The following PARD3B variants were observed in gnomAD, a reference collection of about 807,000 sequenced individuals.
PARD3B encodes partitioning defective 3 homolog B.
Under a neutral mutation model 130.2 loss-of-function variants are expected in PARD3B, and 103 were observed. That is an observed-to-expected ratio of 0.79 (90% CI 0.67 to 0.93). PARD3B has a LOEUF of 0.93. PARD3B is among the 40% of genes least tolerant of loss of function. The probability of loss-of-function intolerance (pLI) is 0.00; values close to 1 mark genes in which losing one functional copy is unlikely to be tolerated. For synonymous variants in PARD3B, 583 were observed against 553.2 expected (o/e 1.05, Z -0.76); for missense variants, 1,609 against 1,499.2 (o/e 1.07, Z -1.21).
At position 205,054,869 on chromosome 2, in the gene PARD3B, C is replaced by T. The variant is rs116801001; in HGVS notation, c.504+7179C>T. Among the ~76,000 whole-genome samples, 344 of 152,182 alleles carry T rather than the reference C, an allele frequency of 2.3e-3. 1 individual carries two copies. The highest frequency in any genetic ancestry group is 7.4e-3 in the African/African-American group (309 of 41,532). On this transcript the variant is annotated intron_variant, in intron 4 of 22. Transcript: ENST00000406610. ...GCATGTATCAGATTATCAAATAATA[C>T]GGTTTTAACCATCAAAATGAGTGGT...
intron 6 of PARD3B, among the ~76,000 whole-genome samples, chr2:205,114,184 T>C (rs1703858083): frequency 6.6e-6 from 1 of 152,114 alleles, no homozygotes; most frequent in Admixed American, 6.6e-5. Context: ...AAAAATGGCA[T>C]TGTAGATCGT....
chr2:205,206,350 A>T (rs1220541812), intron 15 of PARD3B, among the ~76,000 whole-genome samples: 1 of 149,384 alleles, frequency 6.7e-6, no homozygotes, highest in Non-Finnish European at 1.5e-5. Context: ...ATATCTCCCG[A>T]TGCTATCCCT....
chr2:205,231,581 C>T (rs985191605), intron 15 of PARD3B, among the ~76,000 whole-genome samples: 44 of 151,778 alleles, frequency 2.9e-4, no homozygotes, highest in African/African-American at 1.1e-3. Context: ...AAGTGATCCA[C>T]CTACCTTGGC....
chr2:205,467,061 A>G (rs2048652438), intron 20 of PARD3B, among the ~76,000 whole-genome samples: 1 of 152,248 alleles, frequency 6.6e-6, no homozygotes. Context: ...TGTCTCTGAT[A>G]AAGTATATCA....
chr2:205,368,864 A>C (rs72946010), intron 18 of PARD3B, among the ~76,000 whole-genome samples: 48 of 103,016 alleles, frequency 4.7e-4, no homozygotes, highest in Non-Finnish European at 7.1e-4. Flanking sequence ...GGAAAACAAA[A>C]AAAAAAAAAA....
chr2:205,539,927 G>A (rs540376292), intron 21 of PARD3B, among the ~76,000 whole-genome samples: 5 of 152,254 alleles, frequency 3.3e-5, no homozygotes, highest in East Asian at 3.9e-4. Context: ...TCACTAGTTC[G>A]AAAGTAACTC....
intron 2 of PARD3B, among the ~76,000 whole-genome samples, chr2:204,695,182 T>G (rs2037551992): frequency 6.6e-6 from 1 of 151,998 alleles, no homozygotes; most frequent in Admixed American, 6.6e-5. Context: ...GTTCTACCAA[T>G]TTTCTCTCTC....
chr2:205,271,939 C>G (rs2040744116), intron 16 of PARD3B, among the ~76,000 whole-genome samples: 1 of 152,086 alleles, frequency 6.6e-6, no homozygotes, highest in African/African-American at 2.4e-5. Context: ...GGGTGGATCA[C>G]TTGAGGTCAG....
At chr2:205,249,618 A>G (rs1017454905) in intron 16 of PARD3B, among the ~76,000 whole-genome samples, 4 of 152,182 alleles carry the variant, frequency 2.6e-5, no homozygotes, top group African/African-American at 9.6e-5. Context: ...GAATTAGTCC[A>G]GTATTCTTGA....
At chr2:205,501,314 T>C (rs1379976453) in intron 21 of PARD3B, among the ~76,000 whole-genome samples, 2 of 152,182 alleles carry the variant, frequency 1.3e-5, no homozygotes, top group Non-Finnish European at 1.5e-5. Context: ...CCTGAGACTA[T>C]GGATCGGAAC....
chr2:205,018,465 G>T (rs1252167502), intron 3 of PARD3B, among the ~76,000 whole-genome samples: 1 of 152,024 alleles, frequency 6.6e-6, no homozygotes, highest in African/African-American at 2.4e-5. Flanking sequence ...TCAGTTTTCT[G>T]ATCTGCAAAT....
intron 14 of PARD3B, among the ~76,000 whole-genome samples, chr2:205,192,786 A>G (rs1406206082): frequency 6.6e-6 from 1 of 152,202 alleles, no homozygotes; most frequent in Non-Finnish European, 1.5e-5. Context: ...TAAAGGATAC[A>G]ACCCTTTCAC....
At chr2:205,137,460 C>T (rs367668413) in intron 10 of PARD3B, among the ~76,000 whole-genome samples, 1 of 152,166 alleles carries the variant, frequency 6.6e-6, no homozygotes, top group East Asian at 1.9e-4. Context: ...GGTAACAAGA[C>T]CACATTTTTT....
At chr2:205,323,284 A>G (rs2042820671) in intron 18 of PARD3B, among the ~76,000 whole-genome samples, 2 of 152,080 alleles carry the variant, frequency 1.3e-5, no homozygotes. Flanking sequence ...TGGATATGTC[A>G]TCACTTTTAC....
intron 10 of PARD3B, among the ~76,000 whole-genome samples, chr2:205,138,408 C>G (rs1021046494): frequency 6.6e-6 from 1 of 152,136 alleles, no homozygotes; most frequent in African/African-American, 2.4e-5. Context: ...CTTTCCCCTC[C>G]CGTTCTTCTC....
Position 205,287,555 on chromosome 2 carries a change from C to G in PARD3B, c.2186-12975C>G, listed in dbSNP as rs779688785. Among the ~76,000 whole-genome samples the G allele has an allele frequency of 1.7e-4, 26 of 152,126 alleles. No homozygotes were observed. The highest frequency in any genetic ancestry group is 2.6e-4 in the Non-Finnish European group (18 of 68,008). On this transcript the variant is annotated intron_variant, in intron 16 of 22. Coordinates refer to ENST00000406610, the MANE Select transcript of PARD3B (RefSeq NM_001302769.2). This position sits in a 1 kb window ranked among gnomAD's most constrained non-coding sequence, Gnocchi z 4.8. ...GTGTGTGTCAGTAGCTGTCCCAGAG[C>G]TCACCAGGGGGAAGAAATGCACTGA...
chr2:205,476,731 A>T (rs1220115279), intron 20 of PARD3B, among the ~76,000 whole-genome samples: 1 of 152,206 alleles, frequency 6.6e-6, no homozygotes, highest in Non-Finnish European at 1.5e-5. Flanking sequence ...TGGTTCCCAC[A>T]TGAACCATTT....
At chr2:205,438,226 G>A (rs16837344) in intron 19 of PARD3B, among the ~76,000 whole-genome samples, 6,392 of 152,226 alleles carry the variant, frequency 0.042, 141 homozygotes, top group Middle Eastern at 0.065. Context: ...TGGCACAGAC[G>A]TAGTACTTTT....
chr2:205,548,171 C>T (rs1480458385), intron 21 of PARD3B, among the ~76,000 whole-genome samples: 1 of 151,932 alleles, frequency 6.6e-6, no homozygotes, highest in African/African-American at 2.4e-5. Context: ...TAGTGTTCCT[C>T]TCTCTTCTCA....
Sources: allele counts gnomAD v4.1 joint callset (sites outside exome capture counted in the v4.1 genomes callset), GRCh38; gene constraint gnomAD v4.1.1; non-coding constraint Gnocchi (gnomAD v3.1); transcripts MANE v1.5; gene names NCBI Gene and HGNC (gene_info 2026-07-23, HGNC 2026-07-21).